COQ5: variants seen among roughly 807,000 people sequenced by gnomAD.
COQ5 encodes 2-methoxy-6-polyprenyl-1,4-benzoquinol methylase, mitochondrial.
A neutral mutation model predicts 40.5 loss-of-function variants in COQ5; 27 were observed. That is an observed-to-expected ratio of 0.67 (90% CI 0.49 to 0.92). COQ5 has a LOEUF of 0.92. COQ5 is among the 40% of genes least tolerant of loss of function. The pLI is 0.00. For synonymous variants in COQ5, 141 were observed against 150.0 expected (o/e 0.94, Z 0.44); for missense variants, 409 against 406.4 (o/e 1.01, Z -0.06).
chr12:120,509,792 T>C (rs1593015578), intron 4 of COQ5: 5 of 544,408 alleles, frequency 9.2e-6, no homozygotes, highest in South Asian at 8.0e-5. Flanking sequence ...TCTCTCTCTC[T>C]CCCTGGGTGT....
In COQ5 at chr12:120,516,809, G is replaced by A; in HGVS notation, c.353-21C>T. 1.9e-6 allele frequency: 3 copies of A among 1,592,140 alleles called. No homozygotes were observed. In the East Asian group the frequency reaches 6.7e-5, roughly 36 times the overall value. ...GTCACCTGTGGGAAGCCAACATGAGGAAAGATGCAGACTAAAACAAAAATA... is the reference window on the plus strand; with the variant it reads ...GTCACCTGTGGGAAGCCAACATGAGAAAAGATGCAGACTAAAACAAAAATA... On this transcript the variant is annotated intron_variant, in intron 2 of 6. Transcript: ENST00000288532.
At chr12:120,515,188 T>C (rs558103273) in intron 3 of COQ5, among the ~76,000 whole-genome samples, 1 of 152,230 alleles carries the variant, frequency 6.6e-6, no homozygotes, top group South Asian at 2.1e-4. Context: ...ACCTCCTGGA[T>C]TCAAGTGATC....
At chr12:120,522,971 G>C (rs773126148) in intron 1 of COQ5, 1 of 580,526 alleles carries the variant, frequency 1.7e-6, no homozygotes, top group Non-Finnish European at 3.1e-6. Flanking sequence ...CTTTCTTGTT[G>C]TGCTTCTTGG....
intron 3 of COQ5, 104 bp downstream of exon 3, chr12:120,516,463 G>T: frequency 9.9e-7 from 1 of 1,011,896 alleles, no homozygotes. Flanking sequence ...CCATCTATAA[G>T]TTTCTGAAAG....
chr12:120,512,184 TG>T (rs1473144900), intron 3 of COQ5, among the ~76,000 whole-genome samples: 1 of 152,068 alleles, frequency 6.6e-6, no homozygotes, highest in Non-Finnish European at 1.5e-5. Flanking sequence ...CACTCCAGCC[TG>T]GGTGACAGAA....
At chr12:120,509,895 G>A (rs1869049764) in intron 4 of COQ5, 122 bp downstream of exon 4, 6 of 759,292 alleles carry the variant, frequency 7.9e-6, no homozygotes, top group Admixed American at 2.0e-5. Context: ...AGACTAGCCT[G>A]GGCAACATAC....
intron 2 of COQ5, among the ~76,000 whole-genome samples, chr12:120,518,434 A>C (rs1869488200): frequency 6.6e-6 from 1 of 151,770 alleles, no homozygotes; most frequent in African/African-American, 2.4e-5. Context: ...TCCAAAAAAA[A>C]AAAAAAAAAA....
chr12:120,525,086 G>A (rs1050760224), intron 1 of COQ5, among the ~76,000 whole-genome samples: 4 of 151,698 alleles, frequency 2.6e-5, no homozygotes, highest in Non-Finnish European at 5.9e-5. Context: ...AGGATCACAG[G>A]TGTGAGCCAC....
At chr12:120,507,895 A>G (rs1868951617) in intron 4 of COQ5, among the ~76,000 whole-genome samples, 1 of 151,134 alleles carries the variant, frequency 6.6e-6, no homozygotes, top group Non-Finnish European at 1.5e-5. Context: ...TCAAAAAATA[A>G]TAATAATAAT....
chr12:120,519,590 G>T (rs967906962), intron 2 of COQ5, among the ~76,000 whole-genome samples: 2 of 151,624 alleles, frequency 1.3e-5, no homozygotes, highest in Non-Finnish European at 2.9e-5. Flanking sequence ...TGTGGGATCC[G>T]CCAGGCGTGA....
At chr12:120,525,721 G>A (rs904923445) in intron 1 of COQ5, among the ~76,000 whole-genome samples, 4 of 151,866 alleles carry the variant, frequency 2.6e-5, no homozygotes, top group South Asian at 2.1e-4. Context: ...TCCAGAGATC[G>A]AGACCATCCT....
At chr12:120,510,664 AGTTAAAAACTAGT>A (rs151025333) in intron 3 of COQ5, among the ~76,000 whole-genome samples, 4,804 of 152,190 alleles carry the variant, frequency 0.032, 117 homozygotes, top group Non-Finnish European at 0.048. Flanking sequence ...TGTAAAATGG[AGTTAAAAACTAGT>A]GCCTACTCTA....
At position 120,504,100 on chromosome 12, in the gene COQ5, A is replaced by G; in HGVS notation, c.771-19T>C. ...ATAAAGCCTAGGCAAACAAAAAGGT[A>G]AAAGATGAAGATTAGAACATGCCCC... On this transcript the variant is annotated intron_variant, in intron 5 of 6. Transcript: ENST00000288532. The G allele has an allele frequency of 6.9e-7, 1 of 1,443,144 alleles. No individual in the cohort carries two copies. The highest frequency in any genetic ancestry group is 9.8e-7 in the Non-Finnish European group (1 of 1,025,054). 89.4% of individuals were successfully genotyped at this position (1,443,144 alleles called of 1,614,324 possible).
intron 3 of COQ5, among the ~76,000 whole-genome samples, 154 bp downstream of exon 3, chr12:120,516,413 C>A (rs1399146705): frequency 6.6e-6 from 1 of 152,148 alleles, no homozygotes; most frequent in African/African-American, 2.4e-5. Context: ...TATAACAGCA[C>A]ACAAACTAGA....
chr12:120,510,216 G>T, intron 3 of COQ5, 93 bp from the exon 4 acceptor site: 3 of 986,802 alleles, frequency 3.0e-6, no homozygotes, highest in Admixed American at 1.8e-5. Flanking sequence ...GAGCTGGAGA[G>T]CCCAAGTCCT....
intron 2 of COQ5, among the ~76,000 whole-genome samples, chr12:120,518,464 G>GA (rs1176092235): frequency 7.1e-6 from 1 of 140,860 alleles, no homozygotes; most frequent in Non-Finnish European, 1.5e-5. Context: ...CCTTGTCTTT[G>GA]TTTTTCCTAC....
chr12:120,523,411 G>T, intron 1 of COQ5: 1 of 400,706 alleles, frequency 2.5e-6, no homozygotes, highest in South Asian at 2.0e-5. Context: ...TTCGGGACTG[G>T]CTGTGTGTGG....
chr12:120,522,297 A>G lies in COQ5; in HGVS notation c.269T>C (p.Ile90Thr). The G allele has an allele frequency of 1.9e-6, 3 of 1,613,954 alleles. No individual in the cohort carries two copies. The highest frequency in any genetic ancestry group is 1.7e-6 in the Non-Finnish European group (2 of 1,179,826). ...CAGCAAATCCTTCCAAACACGATGG[A>G]TACCAAGACTCATCATATCATTCAT... is the stretch of plus-strand genomic sequence containing the variant. ...DVMNDMMSLG[I>T]HRVWKDLLLW... Residue 90 changes from isoleucine (I) to threonine (T), a missense_variant, in exon 2 of 7, where the codon ATC (isoleucine) becomes ACC (threonine). Physicochemically the swap from Ile to Thr is moderately conservative, Grantham distance 89 (BLOSUM62 -1). Transcript: ENST00000288532.
rs1243114692 is a variant in COQ5, at chr12:120,516,647, G to A, written c.494C>T (p.Ser165Phe). The A allele has an allele frequency of 6.2e-7, 1 of 1,614,064 alleles. No individual in the cohort carries two copies. The highest frequency in any genetic ancestry group is 1.3e-5 in the African/African-American group (1 of 75,014). ...GTTGATGTCACACACCACGACACGA[G>A]ACCCGCCCAAGGAATCTTCTTCATT... ...YQNEEDSLGGSRVVVCDINKE... is the reference protein window; with the variant it reads ...YQNEEDSLGGFRVVVCDINKE... The change falls in exon 3 of 7, where the codon TCT (serine) becomes TTT (phenylalanine). Residue 165 changes from serine to phenylalanine, a missense_variant. Physicochemically the swap from Ser to Phe is radical, Grantham distance 155. Transcript: ENST00000288532.
Sources: allele counts gnomAD v4.1 joint callset (sites outside exome capture counted in the v4.1 genomes callset), GRCh38; gene constraint gnomAD v4.1.1; transcripts MANE v1.5; gene names NCBI Gene and HGNC (gene_info 2026-07-23, HGNC 2026-07-21).